DPP10: variants seen among roughly 807,000 people sequenced by gnomAD.
The protein encoded by DPP10 is dipeptidyl peptidase like 10.
Under a neutral mutation model 120.9 loss-of-function variants are expected in DPP10, and 33 were observed. That is an observed-to-expected ratio of 0.27 (90% CI 0.21 to 0.37). The LOEUF (loss-of-function observed/expected upper bound fraction) is 0.37. Ranked by LOEUF, DPP10 falls within the 10% of genes least tolerant of loss-of-function variation. DPP10 has a pLI of 1.00. For missense variants in DPP10, 816 were observed against 942.8 expected (o/e 0.87, Z 1.76); for synonymous variants, 337 against 326.1 (o/e 1.03, Z -0.36).
intron 1 of DPP10, among the ~76,000 whole-genome samples, chr2:114,459,639 A>G (rs1302261529): frequency 1.3e-5 from 2 of 152,286 alleles, no homozygotes; most frequent in East Asian, 3.9e-4. Context: ...TGCTTTGTTC[A>G]AAAAGGATGA....
chr2:115,525,791 G>A (rs2078095808), intron 4 of DPP10, 107 bp from the exon 5 acceptor site: 1 of 727,438 alleles, frequency 1.4e-6, no homozygotes, highest in African/African-American at 1.8e-5. Flanking sequence ...AAAGAAATGA[G>A]AATGCCATTT....
At chr2:115,375,607 T>C (rs1235255887) in intron 3 of DPP10, among the ~76,000 whole-genome samples, 1 of 152,198 alleles carries the variant, frequency 6.6e-6, no homozygotes, top group Non-Finnish European at 1.5e-5. Flanking sequence ...TTTTCTGTAT[T>C]AGTTTGTTCT....
At chr2:114,981,686 T>A (rs1700101391) in intron 1 of DPP10, among the ~76,000 whole-genome samples, 1 of 152,054 alleles carries the variant, frequency 6.6e-6, no homozygotes, top group African/African-American at 2.4e-5. Context: ...GCTTAAGTAA[T>A]CCTCCTGCCT....
intron 3 of DPP10, among the ~76,000 whole-genome samples, chr2:115,471,636 G>C (rs935609813): frequency 6.6e-6 from 1 of 151,298 alleles, no homozygotes; most frequent in Non-Finnish European, 1.5e-5. Context: ...ACACAGACTG[G>C]AGTGCAGTGG....
intron 1 of DPP10, among the ~76,000 whole-genome samples, chr2:114,658,893 G>A (rs1343102021): frequency 6.6e-6 from 1 of 152,176 alleles, no homozygotes; most frequent in Non-Finnish European, 1.5e-5. Flanking sequence ...TGTAATCCCT[G>A]TAACCCCCAC....
At position 114,444,833 on chromosome 2, in the gene DPP10, A is replaced by G. The variant is rs567834445; in HGVS notation, c.60+1995A>G. Among the ~76,000 whole-genome samples, 8 of 152,302 alleles carry G rather than the reference A, an allele frequency of 5.3e-5. No homozygotes were observed. The South Asian group carries it at 8.3e-4, about 16-fold the overall frequency. On this transcript the variant is annotated intron_variant, in intron 1 of 25. Coordinates refer to ENST00000410059, the MANE Select transcript of DPP10 (RefSeq NM_020868.6). ...CCAATATTGCTCTGGGGAGCAAAAAAATGCTTGTGATGTTCATAAAATATA... is the reference window on the plus strand; with the variant it reads ...CCAATATTGCTCTGGGGAGCAAAAAGATGCTTGTGATGTTCATAAAATATA...
At chr2:115,758,179 G>A (rs1679662245) in intron 11 of DPP10, among the ~76,000 whole-genome samples, 1 of 151,982 alleles carries the variant, frequency 6.6e-6, no homozygotes, top group African/African-American at 2.4e-5. Context: ...ATGCAAATGG[G>A]GTAAAATATA....
chr2:114,921,691 C>T (rs1695206251), intron 1 of DPP10, among the ~76,000 whole-genome samples: 1 of 152,170 alleles, frequency 6.6e-6, no homozygotes, highest in Non-Finnish European at 1.5e-5. Flanking sequence ...ATTCATCTGG[C>T]TTTATTGAAT....
At position 114,642,250 on chromosome 2, in the gene DPP10, A is replaced by G. The variant is rs188162321; in HGVS notation, c.60+199412A>G. On this transcript the variant is annotated intron_variant, in intron 1 of 25. Coordinates refer to ENST00000410059, the MANE Select transcript of DPP10 (RefSeq NM_020868.6). ...TATAGATGGCCACATTTTTGTCATT[A>G]TACAGTCATGAAAAGAAGCCTATGT... Among the ~76,000 whole-genome samples, 18 of 152,038 alleles carry G rather than the reference A, an allele frequency of 1.2e-4. 1 individual carries two copies. The highest frequency in any genetic ancestry group is 4.1e-4 in the African/African-American group (17 of 41,316).
intron 1 of DPP10, among the ~76,000 whole-genome samples, chr2:114,457,736 AT>A (rs1264708707): frequency 6.6e-6 from 1 of 152,088 alleles, no homozygotes; most frequent in Non-Finnish European, 1.5e-5. Context: ...TTTTTATTTT[AT>A]GCTTTGCAAA....
intron 1 of DPP10, among the ~76,000 whole-genome samples, chr2:115,270,621 C>G (rs2059658723): frequency 6.6e-6 from 1 of 152,066 alleles, no homozygotes; most frequent in African/African-American, 2.4e-5. Flanking sequence ...TACAAATGAC[C>G]ACGTGGGGAG....
chr2:115,716,692 G>T lies in DPP10; in HGVS notation c.577-11124G>T, dbSNP rs75488955. ...GTTTGAAGAATATAGTAAAAAAAAAGTTGGATGTTTCTGTATTGCAAAAAC... is the reference window on the plus strand; with the variant it reads ...GTTTGAAGAATATAGTAAAAAAAAATTTGGATGTTTCTGTATTGCAAAAAC... On this transcript the variant is annotated intron_variant, in intron 7 of 25. Transcript: ENST00000410059. Among the ~76,000 whole-genome samples, 681 of 151,712 alleles carry T rather than the reference G, an allele frequency of 4.5e-3. 4 individuals carry two copies. The highest frequency in any genetic ancestry group is 0.016 in the African/African-American group (656 of 41,070).
intron 5 of DPP10, among the ~76,000 whole-genome samples, chr2:115,586,108 A>C (rs1419820282): frequency 6.6e-6 from 1 of 152,128 alleles, no homozygotes; most frequent in African/African-American, 2.4e-5. Flanking sequence ...GGATCACCTG[A>C]GGTCAGGAGT....
chr2:114,744,865 G>C (rs997089494), intron 1 of DPP10, among the ~76,000 whole-genome samples: 1 of 152,082 alleles, frequency 6.6e-6, no homozygotes, highest in Non-Finnish European at 1.5e-5. Context: ...AGGTTCAAGC[G>C]ATTCTCCTGC....
rs903514796 is a variant in DPP10 at position 114,711,105 on chromosome 2, A to T, written c.60+268267A>T. Among the ~76,000 whole-genome samples, 23 of 152,184 alleles carry T rather than the reference A, an allele frequency of 1.5e-4. 1 individual carries two copies. The highest frequency in any genetic ancestry group is 1.5e-5 in the Non-Finnish European group (1 of 68,040). On this transcript the variant is annotated intron_variant, in intron 1 of 25. Transcript: ENST00000410059. ...AGAAAAAAAAAGATTAAGGTCAGGA[A>T]AAAGGCAGTTTTTGGATGATCATCA...
intron 1 of DPP10, among the ~76,000 whole-genome samples, chr2:114,446,241 C>T (rs552756854): frequency 6.6e-6 from 1 of 152,302 alleles, no homozygotes; most frequent in South Asian, 2.1e-4. Context: ...TCTTGGTTTA[C>T]TTCTTTTGCT....
chr2:115,744,291 A>C (rs947511585), intron 9 of DPP10, among the ~76,000 whole-genome samples: 2 of 150,318 alleles, frequency 1.3e-5, no homozygotes, highest in African/African-American at 2.4e-5. Flanking sequence ...TACGAGACCC[A>C]GCTAGAGAAA....
chr2:115,705,468 C>T (rs2149548490), intron 7 of DPP10, among the ~76,000 whole-genome samples: 1 of 151,906 alleles, frequency 6.6e-6, no homozygotes, highest in Admixed American at 6.6e-5. Flanking sequence ...AAGTCTTGGC[C>T]TTAGAGTCCT....
At chr2:115,571,480 G>A (rs926719949) in intron 5 of DPP10, among the ~76,000 whole-genome samples, 3 of 152,026 alleles carry the variant, frequency 2.0e-5, no homozygotes, top group South Asian at 4.2e-4. Context: ...AGAACATGTA[G>A]TATTTGGTTT....
Sources: gnomAD v4.1 joint callset for allele counts (sites outside exome capture counted in the v4.1 genomes callset) on GRCh38, gnomAD v4.1.1 for gene constraint, MANE v1.5 for transcripts, NCBI Gene and HGNC (gene_info 2026-07-23, HGNC 2026-07-21) for gene names.